The following RBFOX1 variants were observed in gnomAD, a reference collection of about 807,000 sequenced individuals.
RBFOX1 encodes RNA binding fox-1 homolog 1, also known as RNA binding protein fox-1 homolog 1.
In RBFOX1, 8 loss-of-function variants were observed where a neutral mutation model predicts 57.7. The ratio of observed to expected loss-of-function variants is 0.14; its 90% CI spans 0.08 to 0.25. The LOEUF is 0.25. Among genes scored for constraint, RBFOX1 ranks in the 10% least tolerant of loss-of-function variants. The pLI is 1.00. For missense variants in RBFOX1, 611 were observed against 548.5 expected, an observed-to-expected ratio of 1.11 and a Z score of -1.14; for synonymous variants, 326 against 222.4, an observed-to-expected ratio of 1.47 and a Z score of -4.15.
intron 4 of RBFOX1, among the ~76,000 whole-genome samples, chr16:7,075,794 A>G (rs1420635235): frequency 2.0e-5 from 3 of 152,088 alleles, no homozygotes; most frequent in Non-Finnish European, 2.9e-5. Context: ...TTTAGCCAGG[A>G]TGGTCTTGAT....
chr16:7,368,033 G>A (rs371547745), intron 4 of RBFOX1, among the ~76,000 whole-genome samples: 4 of 152,158 alleles, frequency 2.6e-5, no homozygotes, highest in South Asian at 4.2e-4. Flanking sequence ...TTGGGAAGCC[G>A]AGGATGGTGA....
chr16:6,214,542 GA>G, intron 1 of RBFOX1, among the ~76,000 whole-genome samples: 1 of 118,606 alleles, frequency 8.4e-6, no homozygotes, highest in African/African-American at 3.3e-5. Context: ...TGGGGAGAAG[GA>G]GACAGGGAGA....
intron 3 of RBFOX1, among the ~76,000 whole-genome samples, chr16:7,032,043 G>C (rs1006920745): frequency 6.6e-6 from 1 of 152,154 alleles, no homozygotes; most frequent in African/African-American, 2.4e-5. Flanking sequence ...ATTCTCCTTT[G>C]TATTTAGTGG....
At chr16:7,162,431 G>C (rs1426860514) in intron 4 of RBFOX1, among the ~76,000 whole-genome samples, 1 of 151,858 alleles carries the variant, frequency 6.6e-6, no homozygotes, top group African/African-American at 2.4e-5. Flanking sequence ...TTCTAAAAAT[G>C]ATAAAAGAAT....
intron 10 of RBFOX1, among the ~76,000 whole-genome samples, chr16:7,617,390 C>T (rs3785234): frequency 0.55 from 83,906 of 151,980 alleles, 24,743 homozygotes; most frequent in East Asian, 0.83. Flanking sequence ...TTCAAACATC[C>T]AAAAACGTGA....
chr16:6,261,147 C>T (rs1287575083), intron 1 of RBFOX1, among the ~76,000 whole-genome samples: 1 of 152,174 alleles, frequency 6.6e-6, no homozygotes, highest in East Asian at 1.9e-4. Flanking sequence ...CAGTCACTTT[C>T]TGCCTAGGGT....
At chr16:7,710,560 G>T in intron 15 of RBFOX1, 63 bp from the exon 16 acceptor site, 1 of 1,600,778 alleles carries the variant, frequency 6.2e-7, no homozygotes. Context: ...TAGTCTTTTT[G>T]ATGATCCACA....
intron 2 of RBFOX1, among the ~76,000 whole-genome samples, chr16:6,335,795 A>G (rs1450049586): frequency 1.3e-5 from 2 of 150,038 alleles, no homozygotes; most frequent in East Asian, 3.9e-4. Context: ...AAAAAAGAAA[A>G]AAAAAAGAAA....
chr16:7,393,019 C>T (rs8050189), intron 4 of RBFOX1, among the ~76,000 whole-genome samples: 1 of 151,882 alleles, frequency 6.6e-6, no homozygotes, highest in Non-Finnish European at 1.5e-5. Context: ...GACTACAGGC[C>T]CATGCCACCA....
At chr16:6,574,987 G>C (rs543199208) in intron 2 of RBFOX1, among the ~76,000 whole-genome samples, 31 of 150,850 alleles carry the variant, frequency 2.1e-4, no homozygotes, top group African/African-American at 7.3e-4. Flanking sequence ...GCAGTGAGCC[G>C]AGATGGCACC....
intron 1 of RBFOX1, chr16:5,240,244 G>C (rs1052838875): frequency 8.1e-5 from 57 of 702,956 alleles, no homozygotes; most frequent in Non-Finnish European, 1.3e-4. Flanking sequence ...CGGGCGCGGA[G>C]TGACAGCTCG....
intron 3 of RBFOX1, among the ~76,000 whole-genome samples, chr16:6,834,111 C>T (rs886549117): frequency 6.6e-6 from 1 of 151,904 alleles, no homozygotes; most frequent in African/African-American, 2.4e-5. Flanking sequence ...TTCGCCCGGG[C>T]TGGTGTGCAG....
At chr16:6,987,481 A>G (rs2090550731) in intron 3 of RBFOX1, among the ~76,000 whole-genome samples, 1 of 115,316 alleles carries the variant, frequency 8.7e-6, no homozygotes, top group African/African-American at 5.0e-5. Flanking sequence ...ACACACACAC[A>G]CACACACACA....
chr16:5,462,063 G>A (rs181721029), intron 1 of RBFOX1, among the ~76,000 whole-genome samples: 6 of 152,144 alleles, frequency 3.9e-5, no homozygotes, highest in Admixed American at 3.9e-4. Context: ...ACCATCACTG[G>A]CACTAAAGAT....
intron 4 of RBFOX1, among the ~76,000 whole-genome samples, chr16:5,927,666 A>G (rs1011142726): frequency 1.3e-5 from 2 of 152,264 alleles, no homozygotes; most frequent in African/African-American, 4.8e-5. Flanking sequence ...TTGCAGCACT[A>G]TTCACAACAG....
rs1199376883 is a variant in RBFOX1, at chr16:6,591,807, C to G, written c.-63-62796C>G. Among the ~76,000 whole-genome samples the G allele has an allele frequency of 3.9e-5, 6 of 152,282 alleles. 1 individual carries two copies. In the South Asian group the frequency reaches 1.2e-3, roughly 32 times the overall value. On this transcript the variant is annotated intron_variant, in intron 2 of 15. Transcript: ENST00000550418. ...GAAGCATTTTAAACGCACTAACAAA[C>G]CTCACTTTTTAAAACAAGATTAACG...
intron 4 of RBFOX1, among the ~76,000 whole-genome samples, chr16:7,247,975 A>G (rs768982233): frequency 6.0e-4 from 91 of 152,290 alleles, no homozygotes; most frequent in Non-Finnish European, 6.3e-4. Context: ...AAAATCTGTA[A>G]GACAAACTCC....
At chr16:7,042,957 C>T (rs1332471209) in intron 3 of RBFOX1, among the ~76,000 whole-genome samples, 1 of 152,134 alleles carries the variant, frequency 6.6e-6, no homozygotes, top group Non-Finnish European at 1.5e-5. Context: ...GTGATTAAAA[C>T]AATTACTTTC....
chr16:6,708,736 G>C (rs539281196), intron 3 of RBFOX1, among the ~76,000 whole-genome samples: 1 of 152,140 alleles, frequency 6.6e-6, no homozygotes, highest in Non-Finnish European at 1.5e-5. Context: ...TAGCCCATTA[G>C]CTCAACTCAG....
Sources: gnomAD v4.1 joint callset for allele counts (sites outside exome capture counted in the v4.1 genomes callset) on GRCh38, gnomAD v4.1.1 for gene constraint, MANE v1.5 for transcripts, NCBI Gene and HGNC (gene_info 2026-07-23, HGNC 2026-07-21) for gene names.